The following CTNNBL1 variants were observed in gnomAD, a reference collection of about 807,000 sequenced individuals.
CTNNBL1 encodes catenin beta like 1, also known as beta-catenin-like protein 1.
CTNNBL1 carries 31 observed loss-of-function variants against 72.7 expected under a neutral mutation model. The ratio of observed to expected loss-of-function variants is 0.43; its 90% CI spans 0.32 to 0.58. The LOEUF (loss-of-function observed/expected upper bound fraction) is 0.58, where lower values mean the gene tolerates loss of function less well. Among genes scored for constraint, CTNNBL1 ranks in the 20% least tolerant of loss-of-function variants. The pLI is 0.08. For missense variants in CTNNBL1, 534 were observed against 725.1 expected (o/e 0.74, Z 3.03); for synonymous variants, 240 against 267.3 (o/e 0.90, Z 1.00).
Position 37,828,387 on chromosome 20 carries a change from C to CT in CTNNBL1, c.1214-11705dup, listed in dbSNP as rs1045385401. Among the ~76,000 whole-genome samples, 199 of 149,882 alleles carry CT rather than the reference C, an allele frequency of 1.3e-3. 2 individuals are homozygous for CT. The highest frequency in any genetic ancestry group is 4.9e-3 in the East Asian group (25 of 5,114). ...CTTGCATTACTAGTGAGGTTGAATGCTTTTTTTTTTAAAAATATGCCTATT... is the reference window on the plus strand; with the variant it reads ...CTTGCATTACTAGTGAGGTTGAATGCTTTTTTTTTTTAAAAATATGCCTATT... On this transcript the variant is annotated intron_variant, in intron 11 of 15. Coordinates refer to ENST00000361383, the MANE Select transcript of CTNNBL1 (RefSeq NM_030877.5).
chr20:37,871,543 T>A, intron 15 of CTNNBL1, among the ~76,000 whole-genome samples: 1 of 152,104 alleles, frequency 6.6e-6, no homozygotes, highest in East Asian at 1.9e-4. Flanking sequence ...AGACCTAATC[T>A]AATCTTATAA....
chr20:37,849,590 TG>T (rs749847683), intron 13 of CTNNBL1, among the ~76,000 whole-genome samples: 4 of 152,258 alleles, frequency 2.6e-5, no homozygotes, highest in Admixed American at 6.5e-5. Context: ...TTCAGAATTT[TG>T]GCAAACAAAT....
At chr20:37,871,804 G>T in intron 15 of CTNNBL1, 121 bp from the exon 16 acceptor site, 1 of 793,748 alleles carries the variant, frequency 1.3e-6, no homozygotes. Context: ...GGCTACAGTG[G>T]GGGCATTAGG....
At chr20:37,797,836 C>A (rs1293548945) in intron 10 of CTNNBL1, among the ~76,000 whole-genome samples, 1 of 152,198 alleles carries the variant, frequency 6.6e-6, no homozygotes, top group Non-Finnish European at 1.5e-5. Flanking sequence ...CTAGCAGTAC[C>A]ATGCTCCACT....
At chr20:37,730,361 AGAC>A (rs2073118811) in intron 1 of CTNNBL1, among the ~76,000 whole-genome samples, 1 of 152,234 alleles carries the variant, frequency 6.6e-6, no homozygotes, top group African/African-American at 2.4e-5. Flanking sequence ...TTGTTGGAGA[AGAC>A]AGAATCATGT....
chr20:37,832,191 A>G (rs1477547990), intron 11 of CTNNBL1: 2 of 152,228 alleles, frequency 1.3e-5, no homozygotes. Flanking sequence ...GAGTTAGAGA[A>G]AATAGCCCTA....
In CTNNBL1 at chr20:37,732,756, C is replaced by T. The variant is rs571667784; in HGVS notation, c.31-123C>T. The T allele has an allele frequency of 1.4e-5, 11 of 809,964 alleles. No homozygotes were observed. In the Admixed American group the frequency reaches 1.5e-4, roughly 11 times the overall value. The allele number at this position is 809,964 out of a possible 1,614,324, so 50.2% of individuals were successfully genotyped here. A position where few individuals can be genotyped will look rare whatever the true frequency, so the allele number is the denominator to read the frequency against. On this transcript the variant is annotated intron_variant, in intron 1 of 15. Coordinates refer to ENST00000361383, the MANE Select transcript of CTNNBL1 (RefSeq NM_030877.5). Reference sequence around the variant, plus strand: ...CATGTTGCCTCAGGCTGGTCTCAAACTCCTGGGCTCAAGAGATCTGCCTGC... The same window carrying T: ...CATGTTGCCTCAGGCTGGTCTCAAATTCCTGGGCTCAAGAGATCTGCCTGC...
At chr20:37,786,716 T>G (rs1336061126) in intron 10 of CTNNBL1, among the ~76,000 whole-genome samples, 1 of 152,204 alleles carries the variant, frequency 6.6e-6, no homozygotes. Context: ...TTTCCAAGTT[T>G]GTGAGTTAAA....
Position 37,809,248 on chromosome 20 carries a change from A to G in CTNNBL1, c.1213+6200A>G, listed in dbSNP as rs6021061. On this transcript the variant is annotated intron_variant, in intron 11 of 15. Coordinates refer to ENST00000361383, the MANE Select transcript of CTNNBL1 (RefSeq NM_030877.5). ...AATTACAAAGACATACTAGACAAGA[A>G]TATTTCATTGTTAAAGGGAACACAA... 3.0e-3 allele frequency among the ~76,000 whole-genome samples: 463 copies of G among 152,344 alleles called. 5 individuals carry two copies. The highest frequency in any genetic ancestry group is 1.0e-2 in the African/African-American group (414 of 41,568).
chr20:37,823,047 G>C (rs1432954415), intron 11 of CTNNBL1, among the ~76,000 whole-genome samples: 1 of 152,176 alleles, frequency 6.6e-6, no homozygotes, highest in East Asian at 1.9e-4. Flanking sequence ...ATATATTGTT[G>C]ATTGTACCCG....
chr20:37,838,228 C>T (rs532560280), intron 11 of CTNNBL1, among the ~76,000 whole-genome samples: 4 of 152,290 alleles, frequency 2.6e-5, no homozygotes, highest in African/African-American at 4.8e-5. Context: ...ACAGACCTGA[C>T]GTTAGGTGTT....
Position 37,860,415 on chromosome 20 carries a change from G to T in CTNNBL1, c.1603+71G>T. On this transcript the variant is annotated intron_variant, in intron 15 of 15. Coordinates refer to ENST00000361383, the MANE Select transcript of CTNNBL1 (RefSeq NM_030877.5). ...ATGCTTACTTTCTGAGCCTCTGTCA[G>T]TATCCCTGGTATTTGATGTGGAGCG... 3 of 1,212,726 alleles carry T rather than the reference G, an allele frequency of 2.5e-6. No individual in the cohort carries two copies. The South Asian group carries it at 3.6e-5, about 15-fold the overall frequency. 75.1% of individuals were successfully genotyped at this position (1,212,726 alleles called of 1,614,324 possible).
intron 3 of CTNNBL1, among the ~76,000 whole-genome samples, chr20:37,743,796 C>T (rs1386742605): frequency 1.3e-5 from 2 of 151,798 alleles, no homozygotes; most frequent in Admixed American, 6.6e-5. Context: ...GATTTGTGCC[C>T]TATATCAATA....
At chr20:37,850,037 T>C (rs1398017119) in intron 13 of CTNNBL1, among the ~76,000 whole-genome samples, 1 of 152,250 alleles carries the variant, frequency 6.6e-6, no homozygotes, top group Non-Finnish European at 1.5e-5. Flanking sequence ...CCCTCTAAAC[T>C]AACTCTCAGT....
At chr20:37,865,910 G>A (rs760455697) in intron 15 of CTNNBL1, among the ~76,000 whole-genome samples, 2 of 152,214 alleles carry the variant, frequency 1.3e-5, no homozygotes, top group Admixed American at 6.5e-5. Context: ...TTTGATTTGC[G>A]AGTATTCTTT....
intron 12 of CTNNBL1, 99 bp from the exon 13 acceptor site, chr20:37,842,240 T>C (rs1227062613): frequency 4.7e-6 from 4 of 844,142 alleles, no homozygotes; most frequent in Non-Finnish European, 8.1e-6. Flanking sequence ...CGGGTCTCCC[T>C]TTGTAAGGGA....
chr20:37,860,342 A>G lies in CTNNBL1; in HGVS notation c.1601A>G (p.Lys534Arg), dbSNP rs2072481381. 1.9e-6 allele frequency: 3 copies of G among 1,612,130 alleles called. No homozygotes were observed. Among genetic ancestry groups the G allele is most frequent in the African/African-American group, 2.7e-5 (2 of 75,014 alleles). ...ATCAAAATTGTCAGGCATATCATCA[A>G]GGGTGAGTTGGATGCTACTCATGTC... ...SSIKIVRHII[K>R]EYAENIGDGR... Residue 534 changes from lysine (K) to arginine (R), a missense_variant and splice_region_variant, in exon 15 of 16, where the codon AAG becomes AGG. Coordinates refer to ENST00000361383, the MANE Select transcript of CTNNBL1 (RefSeq NM_030877.5).
At chr20:37,848,433 G>T (rs1251510806) in intron 13 of CTNNBL1, among the ~76,000 whole-genome samples, 1 of 152,088 alleles carries the variant, frequency 6.6e-6, no homozygotes, top group African/African-American at 2.4e-5. Flanking sequence ...TGGAGTTACA[G>T]ACCTGAGCCA....
At chr20:37,817,137 T>G (rs1221701500) in intron 11 of CTNNBL1, among the ~76,000 whole-genome samples, 1 of 152,210 alleles carries the variant, frequency 6.6e-6, no homozygotes, top group Non-Finnish European at 1.5e-5. Flanking sequence ...TGCAGACAGT[T>G]TTATGTCTGC....
Sources: allele counts gnomAD v4.1 joint callset (sites outside exome capture counted in the v4.1 genomes callset), GRCh38; gene constraint gnomAD v4.1.1; transcripts MANE v1.5; gene names NCBI Gene and HGNC (gene_info 2026-07-23, HGNC 2026-07-21).